Variants in HS6ST3 observed in about 807,000 individuals in gnomAD.
HS6ST3 encodes the protein heparan sulfate 6-O-sulfotransferase 3.
HS6ST3 carries 12 observed loss-of-function variants against 36.7 expected under a neutral mutation model. The observed-to-expected ratio is 0.33, with a 90% CI of 0.21 to 0.53. The LOEUF (loss-of-function observed/expected upper bound fraction) is 0.53, where lower values mean the gene tolerates loss of function less well. Ranked by LOEUF, HS6ST3 falls within the 20% of genes least tolerant of loss-of-function variation. The probability of loss-of-function intolerance (pLI) is 0.95; values close to 1 mark genes in which losing one functional copy is unlikely to be tolerated. For synonymous variants in HS6ST3, 240 were observed against 257.5 expected (o/e 0.93, Z 0.65); for missense variants, 584 against 640.9 (o/e 0.91, Z 0.96).
chr13:96,565,203 G>A (rs1389464885), intron 1 of HS6ST3, among the ~76,000 whole-genome samples: 1 of 152,100 alleles, frequency 6.6e-6, no homozygotes. Context: ...GGAGGCAATA[G>A]CTGAGAAGAC....
chr13:96,542,486 G>A (rs2056182152), intron 1 of HS6ST3, among the ~76,000 whole-genome samples: 1 of 151,986 alleles, frequency 6.6e-6, no homozygotes, highest in African/African-American at 2.4e-5. Flanking sequence ...AGCCTCCCAC[G>A]CTTTCAAGGG....
intron 1 of HS6ST3, among the ~76,000 whole-genome samples, chr13:96,644,329 G>A (rs1274145864): frequency 6.6e-6 from 1 of 151,870 alleles, no homozygotes. Flanking sequence ...ATAGATTCGG[G>A]GTCATATGTT....
intron 1 of HS6ST3, among the ~76,000 whole-genome samples, chr13:96,275,832 C>A (rs867242673): frequency 1.3e-5 from 2 of 150,770 alleles, no homozygotes; most frequent in South Asian, 4.2e-4. Context: ...AATGCCAGTA[C>A]CATTCTTCTT....
chr13:96,234,026 A>G (rs985630444), intron 1 of HS6ST3, among the ~76,000 whole-genome samples: 3 of 152,052 alleles, frequency 2.0e-5, no homozygotes, highest in Non-Finnish European at 4.4e-5. Context: ...TAGCACATCA[A>G]CATACCCACG....
chr13:96,408,615 A>T (rs1238610706), intron 1 of HS6ST3, among the ~76,000 whole-genome samples: 1 of 152,132 alleles, frequency 6.6e-6, no homozygotes, highest in Admixed American at 6.5e-5. Context: ...AGATGAACAC[A>T]GAAGCAAGAC....
At chr13:96,277,983 T>A (rs1422720406) in intron 1 of HS6ST3, among the ~76,000 whole-genome samples, 1 of 152,176 alleles carries the variant, frequency 6.6e-6, no homozygotes, top group Admixed American at 6.6e-5. Flanking sequence ...TCTGACAGCA[T>A]TGTGCATTAA....
intron 1 of HS6ST3, among the ~76,000 whole-genome samples, chr13:96,757,857 G>T (rs1204436506): frequency 6.6e-6 from 1 of 151,942 alleles, no homozygotes; most frequent in Admixed American, 6.6e-5. Context: ...TACACATTAT[G>T]AATTTAGTGT....
intron 1 of HS6ST3, among the ~76,000 whole-genome samples, chr13:96,197,550 G>A (rs1279894979): frequency 6.6e-6 from 1 of 152,052 alleles, no homozygotes; most frequent in Non-Finnish European, 1.5e-5. Flanking sequence ...ACTCATTTTG[G>A]CATTAACACA....
At chr13:96,108,965 C>CTA (rs1380478976) in intron 1 of HS6ST3, among the ~76,000 whole-genome samples, 1 of 151,736 alleles carries the variant, frequency 6.6e-6, no homozygotes, top group African/African-American at 2.4e-5. Context: ...ATCTCTATCT[C>CTA]TATCTCTATC....
At chr13:96,440,645 A>C (rs1228258090) in intron 1 of HS6ST3, among the ~76,000 whole-genome samples, 1 of 784 alleles carries the variant, frequency 1.3e-3, no homozygotes, top group East Asian at 0.1. Context: ...AAGTGAAGAG[A>C]AGGGGAGGGG....
chr13:96,460,870 C>T (rs2055780975), intron 1 of HS6ST3, among the ~76,000 whole-genome samples: 2 of 152,150 alleles, frequency 1.3e-5, no homozygotes, highest in Admixed American at 6.5e-5. Context: ...GGAAGTATAA[C>T]TTATGTTCAA....
chr13:96,447,955 A>C (rs1212188923), intron 1 of HS6ST3, among the ~76,000 whole-genome samples: 3 of 152,166 alleles, frequency 2.0e-5, no homozygotes, highest in African/African-American at 7.2e-5. Context: ...TGCGAGGACC[A>C]AGAACCCTGG....
chr13:96,395,718 A>G (rs755555718), intron 1 of HS6ST3, among the ~76,000 whole-genome samples: 1 of 152,128 alleles, frequency 6.6e-6, no homozygotes, highest in African/African-American at 2.4e-5. Context: ...TGAATCCTTG[A>G]GGACAGAATT....
At chr13:96,463,933 A>G (rs2055797848) in intron 1 of HS6ST3, among the ~76,000 whole-genome samples, 1 of 151,812 alleles carries the variant, frequency 6.6e-6, no homozygotes, top group Non-Finnish European at 1.5e-5. Context: ...CCAGTGGTGG[A>G]GAACCCACAT....
intron 1 of HS6ST3, among the ~76,000 whole-genome samples, chr13:96,170,852 T>C (rs2054183956): frequency 6.6e-6 from 1 of 152,184 alleles, no homozygotes; most frequent in Admixed American, 6.5e-5. Flanking sequence ...AGAAACGTGG[T>C]GGAGGAAACT....
intron 1 of HS6ST3, among the ~76,000 whole-genome samples, chr13:96,209,068 C>T (rs1283297988): frequency 6.6e-6 from 1 of 152,148 alleles, no homozygotes; most frequent in Non-Finnish European, 1.5e-5. Context: ...GGATACAGAA[C>T]TACCATAGAC....
At position 96,191,450 on chromosome 13, in the gene HS6ST3, T is replaced by A. The variant is rs909943857; in HGVS notation, c.707+99881T>A. ...TCTCACTTTTATGACTAGGAGTGCT[T>A]AATTTTTGTGCATTCTGTTTCTTCT... is the stretch of plus-strand genomic sequence containing the variant. On this transcript the variant is annotated intron_variant, in intron 1 of 1. Transcript: ENST00000376705. Among the ~76,000 whole-genome samples, 3 of 152,182 alleles carry A rather than the reference T, an allele frequency of 2.0e-5. No homozygotes were observed. In the East Asian group the frequency reaches 5.8e-4, roughly 29 times the overall value.
chr13:96,663,594 A>G (rs2056653872), intron 1 of HS6ST3, among the ~76,000 whole-genome samples: 1 of 152,200 alleles, frequency 6.6e-6, no homozygotes, highest in Non-Finnish European at 1.5e-5. Flanking sequence ...ACATTTTGGC[A>G]GTTTCCTAAC....
Position 96,550,167 on chromosome 13 carries a change from G to A in HS6ST3, c.708-282323G>A, listed in dbSNP as rs1403811527. On this transcript the variant is annotated intron_variant, in intron 1 of 1. Transcript: ENST00000376705. ...ATGTGACCTTTAATGTTGCAGATGG[G>A]GCCTAGTGGGAGATGTTTGGGTTGT... Among the ~76,000 whole-genome samples the A allele has an allele frequency of 7.9e-5, 12 of 152,248 alleles. No homozygotes were observed. The South Asian group carries it at 8.3e-4, about 11-fold the overall frequency.
Sources: allele counts gnomAD v4.1 joint callset (sites outside exome capture counted in the v4.1 genomes callset), GRCh38; gene constraint gnomAD v4.1.1; transcripts MANE v1.5; gene names NCBI Gene and HGNC (gene_info 2026-07-23, HGNC 2026-07-21).